Variants in CSMD2 observed in about 807,000 individuals in gnomAD.
CSMD2 encodes CUB and Sushi multiple domains 2.
A neutral mutation model predicts 398.5 loss-of-function variants in CSMD2; 130 were observed. The ratio of observed to expected loss-of-function variants is 0.33; its 90% CI spans 0.28 to 0.38. The LOEUF (loss-of-function observed/expected upper bound fraction) is 0.38, where lower values mean the gene tolerates loss of function less well. Ranked by LOEUF, CSMD2 falls within the 10% of genes least tolerant of loss-of-function variation. CSMD2 has a pLI of 1.00. For missense variants in CSMD2, 3,829 were observed against 4,764.9 expected, an observed-to-expected ratio of 0.80 and a Z score of 5.78; for synonymous variants, 1,828 against 1,908.5, an observed-to-expected ratio of 0.96 and a Z score of 1.10.
intron 25 of CSMD2, among the ~76,000 whole-genome samples, chr1:33,691,199 G>T (rs1645227596): frequency 6.6e-6 from 1 of 152,164 alleles, no homozygotes; most frequent in African/African-American, 2.4e-5. Flanking sequence ...TGGAAAATAA[G>T]GTTGGGGAGG....
chr1:33,614,145 G>A lies in CSMD2; in HGVS notation c.6133+359C>T, dbSNP rs560851176. On this transcript the variant is annotated intron_variant, in intron 40 of 70. Transcript: ENST00000373381. ...TACGACAGATTTCCGCCCCACCCCC[G>A]CCTTTTTTTTTAAGTCCCTGAGTAA... 1.3e-4 allele frequency among the ~76,000 whole-genome samples: 16 copies of A among 121,196 alleles called. No homozygotes were observed. The East Asian group carries it at 2.3e-3, about 18-fold the overall frequency. The allele number at this position is 121,196 out of a possible 152,430, so 79.5% of individuals were successfully genotyped here. A position where few individuals can be genotyped will look rare whatever the true frequency, so the allele number is the denominator to read the frequency against.
chr1:33,648,133 TG>T (rs1336759217), intron 28 of CSMD2, among the ~76,000 whole-genome samples: 1 of 151,864 alleles, frequency 6.6e-6, no homozygotes, highest in Non-Finnish European at 1.5e-5. Flanking sequence ...GAGGCTGAGG[TG>T]GGCGGATCAC....
intron 10 of CSMD2, among the ~76,000 whole-genome samples, chr1:33,802,951 C>T (rs1416502856): frequency 6.6e-6 from 1 of 152,202 alleles, no homozygotes; most frequent in Admixed American, 6.5e-5. Context: ...TACTGCCCAT[C>T]CTGGCCTCCA....
In CSMD2 at chr1:33,935,800, C is replaced by T; in HGVS notation, c.672G>A (p.Glu224=). The T allele has an allele frequency of 6.2e-7, 1 of 1,613,464 alleles. No homozygotes were observed. The highest frequency in any genetic ancestry group is 8.5e-7 in the Non-Finnish European group (1 of 1,179,614). Residue 224 remains glutamate (E), a synonymous_variant, in exon 4 of 71, where the codon GAG becomes GAA. Transcript: ENST00000373381. ...GGGGGAAGTCCCACGTGGCGCTGTT[C>T]TCAGAGCCAGCGTGGCAGGTGAGCA... is the stretch of plus-strand genomic sequence containing the variant. ...HAVLTCHAGS[E]NSATWDFPLP...
intron 53 of CSMD2, among the ~76,000 whole-genome samples, chr1:33,561,875 G>C (rs997232001): frequency 5.3e-5 from 8 of 152,200 alleles, no homozygotes; most frequent in African/African-American, 1.9e-4. Context: ...CAGCTCGGGA[G>C]AGGGTCCATT....
intron 5 of CSMD2, among the ~76,000 whole-genome samples, chr1:33,876,630 C>T (rs910017646): frequency 6.6e-6 from 1 of 152,100 alleles, no homozygotes; most frequent in Non-Finnish European, 1.5e-5. Flanking sequence ...AGAGGTTAGG[C>T]GACTTGCTTG....
chr1:33,868,111 T>C (rs1640172392), intron 5 of CSMD2, among the ~76,000 whole-genome samples: 1 of 152,162 alleles, frequency 6.6e-6, no homozygotes, highest in Non-Finnish European at 1.5e-5. Flanking sequence ...TGGGGGAGCC[T>C]GGACCTAAGA....
chr1:33,769,999 C>T (rs1043325271), intron 13 of CSMD2, among the ~76,000 whole-genome samples: 1 of 152,082 alleles, frequency 6.6e-6, no homozygotes, highest in Non-Finnish European at 1.5e-5. Context: ...GGTATTGTCC[C>T]TTTTCTATTG....
intron 3 of CSMD2, among the ~76,000 whole-genome samples, chr1:33,942,448 G>A (rs2125344619): frequency 6.6e-6 from 1 of 152,370 alleles, no homozygotes; most frequent in South Asian, 2.1e-4. Context: ...AGGCAGAGGT[G>A]CCAGGGCATC....
At chr1:33,527,125 C>G (rs759399395) in intron 65 of CSMD2, 71 bp downstream of exon 65, 2 of 1,376,392 alleles carry the variant, frequency 1.5e-6, no homozygotes, top group Non-Finnish European at 2.1e-6. Flanking sequence ...CTCAGCAACA[C>G]GAGTTTTCTG....
rs77290106 is a variant in CSMD2, at chr1:33,721,644, C to T, written c.3001+2553G>A. Among the ~76,000 whole-genome samples the T allele has an allele frequency of 3.0e-3, 455 of 152,262 alleles. 2 individuals are homozygous for T. The highest frequency in any genetic ancestry group is 0.011 in the African/African-American group (439 of 41,550). ...TCCTTAGGAACAATGTTGTGGGAAG[C>T]GGACAATCCTGGGCCTCACCCTGAC... On this transcript the variant is annotated intron_variant, in intron 19 of 70. Transcript: ENST00000373381.
Position 33,569,425 on chromosome 1 carries a change from G to A in CSMD2, c.8080C>T (p.Arg2694Cys), listed in dbSNP as rs752189179. Residue 2694 changes from arginine to cysteine, a missense_variant, in exon 52 of 71, where the codon CGT becomes TGT. By Grantham distance (180) the Arg-to-Cys change is radical (BLOSUM62 -3). Transcript: ENST00000373381. ...CAGAGCCCATTGGCCATGCACTCAC[G>A]CACCCTGGAGCCCACCAGTGTGTAT... ...SGYTLVGSRV[R>C]ECMANGLWSG... The A allele has an allele frequency of 1.1e-5, 17 of 1,614,068 alleles. No individual in the cohort carries two copies. Among genetic ancestry groups the A allele is most frequent in the South Asian group, 9.9e-5 (9 of 91,086 alleles).
chr1:33,840,504 T>C (rs1325044008), intron 6 of CSMD2, among the ~76,000 whole-genome samples: 1 of 152,228 alleles, frequency 6.6e-6, no homozygotes, highest in Non-Finnish European at 1.5e-5. Context: ...CCTGTTCTTC[T>C]AGCTGTTGCC....
At chr1:33,680,410 A>G (rs1644868513) in intron 25 of CSMD2, among the ~76,000 whole-genome samples, 1 of 151,932 alleles carries the variant, frequency 6.6e-6, no homozygotes, top group Non-Finnish European at 1.5e-5. Context: ...TAGTTACTCT[A>G]CACATCACGG....
At chr1:33,707,304 C>T (rs1367704068) in intron 22 of CSMD2, among the ~76,000 whole-genome samples, 1 of 152,166 alleles carries the variant, frequency 6.6e-6, no homozygotes, top group Admixed American at 6.5e-5. Context: ...GTGCTAATGG[C>T]CTTCATCCAA....
At chr1:33,695,859 C>T (rs369626596) in intron 24 of CSMD2, among the ~76,000 whole-genome samples, 2 of 152,306 alleles carry the variant, frequency 1.3e-5, no homozygotes, top group East Asian at 3.9e-4. Flanking sequence ...TAAACATCCT[C>T]GCTGTGACAT....
intron 7 of CSMD2, among the ~76,000 whole-genome samples, chr1:33,822,691 C>G (rs1178265320): frequency 6.6e-6 from 1 of 152,162 alleles, no homozygotes; most frequent in Non-Finnish European, 1.5e-5. Flanking sequence ...GCTCCTGCTT[C>G]CTGGAAGCCT....
In CSMD2 at chr1:33,519,407, C is replaced by T. The variant is rs144791588; in HGVS notation, c.*53+58G>A. On this transcript the variant is annotated intron_variant, in intron 70 of 70. Coordinates refer to ENST00000373381, the MANE Select transcript of CSMD2 (RefSeq NM_001281956.2). The surrounding 1 kb of genome is among the most constrained non-coding windows in gnomAD (Gnocchi z 5.6). ...ACTCCGTTGGGTGGAGCCCCTGGCACGCATAGGTCCCTGTCTGTGCTTGTC... is the reference window on the plus strand; with the variant it reads ...ACTCCGTTGGGTGGAGCCCCTGGCATGCATAGGTCCCTGTCTGTGCTTGTC... The T allele has an allele frequency of 3.6e-4, 387 of 1,085,236 alleles. 2 individuals are homozygous for T. The African/African-American group carries it at 4.9e-3, about 14-fold the overall frequency. The allele number at this position is 1,085,236 out of a possible 1,614,324, so 67.2% of individuals were successfully genotyped here. A position where few individuals can be genotyped will look rare whatever the true frequency, so the allele number is the denominator to read the frequency against.
chr1:33,862,569 A>T (rs1639618620), intron 5 of CSMD2: 1 of 152,166 alleles, frequency 6.6e-6, no homozygotes, highest in South Asian at 2.1e-4. Flanking sequence ...CCAGGGGGAA[A>T]AAGGCTACCT....
Sources: allele counts gnomAD v4.1 joint callset (sites outside exome capture counted in the v4.1 genomes callset), GRCh38; gene constraint gnomAD v4.1.1; non-coding constraint Gnocchi (gnomAD v3.1); transcripts MANE v1.5; gene names NCBI Gene and HGNC (gene_info 2026-07-23, HGNC 2026-07-21).